NADK2: variants seen among roughly 807,000 people sequenced by gnomAD.
The protein encoded by NADK2 is NAD kinase 2, mitochondrial.
NADK2 carries 35 observed loss-of-function variants against 62.1 expected under a neutral mutation model. That is an observed-to-expected ratio of 0.56 (90% CI 0.43 to 0.75). The LOEUF (loss-of-function observed/expected upper bound fraction) is 0.75, where lower values mean the gene tolerates loss of function less well. NADK2 is among the 30% of genes least tolerant of loss of function. The pLI is 0.00. For missense variants in NADK2, 439 were observed against 561.3 expected (o/e 0.78, Z 2.20); for synonymous variants, 205 against 207.9 (o/e 0.99, Z 0.12).
chr5:36,208,646 C>T (rs1234440805), intron 7 of NADK2: 4 of 1,533,510 alleles, frequency 2.6e-6, no homozygotes, highest in Non-Finnish European at 2.6e-6. Flanking sequence ...AGTGGGTATA[C>T]TTCTTCTTAA....
At chr5:36,231,686 A>G (rs944905098) in intron 1 of NADK2, among the ~76,000 whole-genome samples, 1 of 152,228 alleles carries the variant, frequency 6.6e-6, no homozygotes, top group South Asian at 2.1e-4. Context: ...TAAAAGGCAT[A>G]TGCAAAAGCT....
At chr5:36,198,663 TA>T (rs1359832554) in intron 10 of NADK2, among the ~76,000 whole-genome samples, 1 of 148,764 alleles carries the variant, frequency 6.7e-6, no homozygotes, top group Non-Finnish European at 1.5e-5. Flanking sequence ...AAATTTCAGT[TA>T]TTTTATATAT....
chr5:36,226,589 T>A, intron 2 of NADK2, 26 bp from the exon 3 acceptor site: 4 of 1,524,792 alleles, frequency 2.6e-6, no homozygotes, highest in Non-Finnish European at 2.7e-6. Context: ...AAAGGTTATA[T>A]GAAATTTCCA....
Position 36,225,568 on chromosome 5 carries a change from A to G in NADK2, c.534T>C (p.Val178=). 1 of 1,613,868 alleles carries G rather than the reference A, an allele frequency of 6.2e-7. No homozygotes were observed. Residue 178 remains valine, a synonymous_variant, in exon 4 of 12, where the codon GTT becomes GTC. Coordinates refer to ENST00000381937, the MANE Select transcript of NADK2 (RefSeq NM_001085411.3). The stretch of plus-strand genomic sequence containing the variant: ...GTTCTGGATCAGTGTTTACCCCTAT[A>G]ACTGGTTTAAGTCTGTCCAAGACTT... The part of the protein sequence containing the change: ...ASKVLDRLKP[V]IGVNTDPERS...
In NADK2 at chr5:36,211,856, C is replaced by G; in HGVS notation, c.848G>C (p.Ser283Thr). 1.2e-6 allele frequency: 2 copies of G among 1,613,110 alleles called. No homozygotes were observed. The highest frequency in any genetic ancestry group is 1.7e-6 in the Non-Finnish European group (2 of 1,179,418). Reference sequence around the variant, plus strand: ...GGTTTAAAAGTACCTGGATGACAGACTCTCCCCAATGAAGACTTCATTTAG... The same window carrying G: ...GGTTTAAAAGTACCTGGATGACAGAGTCTCCCCAATGAAGACTTCATTTAG... ...RALNEVFIGE[S>T]LSSRASYYEI... Residue 283 changes from serine to threonine, a missense_variant, in exon 7 of 12, where the codon AGT becomes ACT. Physicochemically the swap from Ser to Thr is moderately conservative, Grantham distance 58 (BLOSUM62 1). Transcript: ENST00000381937.
intron 4 of NADK2, among the ~76,000 whole-genome samples, chr5:36,224,553 T>C (rs1472795131): frequency 2.2e-5 from 3 of 136,624 alleles, no homozygotes; most frequent in Non-Finnish European, 3.0e-5. Context: ...CAAGACTCTG[T>C]CTCAAAAAAA....
chr5:36,208,687 C>T, intron 7 of NADK2: 5 of 1,529,666 alleles, frequency 3.3e-6, no homozygotes, highest in Non-Finnish European at 4.4e-6. Context: ...AAGAATAAGA[C>T]ATTCTAGGTT....
upstream of NADK2, chr5:36,242,274 G>A (rs887045284): frequency 1.3e-5 from 2 of 152,308 alleles, no homozygotes; most frequent in African/African-American, 2.4e-5. Context: ...AATTCTGTTA[G>A]GCGATTGCGT....
intron 4 of NADK2, among the ~76,000 whole-genome samples, chr5:36,222,143 T>C (rs12522905): frequency 0.3 from 45,529 of 151,802 alleles, 8,247 homozygotes; most frequent in South Asian, 0.49. Flanking sequence ...GTGCTTTCTG[T>C]AGAGGGAATT....
chr5:36,230,299 T>A (rs1747659487), intron 1 of NADK2, among the ~76,000 whole-genome samples: 1 of 152,214 alleles, frequency 6.6e-6, no homozygotes, highest in Non-Finnish European at 1.5e-5. Flanking sequence ...ATGCTTTCCA[T>A]CCCTCCACCT....
At chr5:36,209,341 T>A (rs1166324757) in intron 7 of NADK2, among the ~76,000 whole-genome samples, 1 of 152,142 alleles carries the variant, frequency 6.6e-6, no homozygotes, top group African/African-American at 2.4e-5. Flanking sequence ...CTGATCCAAG[T>A]TTTCCTCCAT....
rs1333131992 is a variant in NADK2, at chr5:36,208,859, T to C, written c.861-1594A>G. Among the ~76,000 whole-genome samples the C allele has an allele frequency of 2.0e-5, 3 of 152,138 alleles. No homozygotes were observed. The East Asian group carries it at 5.8e-4, about 29-fold the overall frequency. On this transcript the variant is annotated intron_variant, in intron 7 of 11. Coordinates refer to ENST00000381937, the MANE Select transcript of NADK2 (RefSeq NM_001085411.3). ...TGAAGCCTCAATACAGGATCTAGAATCAGAAACACCGGGTTTATGTTACAG... is the reference window on the plus strand; with the variant it reads ...TGAAGCCTCAATACAGGATCTAGAACCAGAAACACCGGGTTTATGTTACAG...
chr5:36,237,913 T>C (rs1747967280), intron 1 of NADK2, among the ~76,000 whole-genome samples: 1 of 152,096 alleles, frequency 6.6e-6, no homozygotes, highest in African/African-American at 2.4e-5. Flanking sequence ...AAGGTTCAGG[T>C]GTCTGCATTT....
chr5:36,217,618 A>C, intron 6 of NADK2, 130 bp downstream of exon 6: 1 of 921,152 alleles, frequency 1.1e-6, no homozygotes, highest in Non-Finnish European at 1.7e-6. Context: ...AACTGAAGTA[A>C]TTCACTGTAC....
intron 5 of NADK2, among the ~76,000 whole-genome samples, chr5:36,218,902 A>T (rs1166915765): frequency 3.3e-5 from 5 of 152,234 alleles, no homozygotes; most frequent in Non-Finnish European, 7.3e-5. Context: ...AAGATAAAAA[A>T]TATAAAATCT....
At chr5:36,199,551 T>TA (rs1746362888) in intron 10 of NADK2, among the ~76,000 whole-genome samples, 1 of 152,084 alleles carries the variant, frequency 6.6e-6, no homozygotes, top group African/African-American at 2.4e-5. Flanking sequence ...TACAATCTGA[T>TA]ACGCAAATCA....
chr5:36,206,822 T>C (rs1033375431), intron 8 of NADK2, among the ~76,000 whole-genome samples: 1 of 152,066 alleles, frequency 6.6e-6, no homozygotes, highest in Non-Finnish European at 1.5e-5. Flanking sequence ...AGTTAGGCTT[T>C]TAATATACAA....
chr5:36,211,993 T>C, intron 6 of NADK2, 71 bp from the exon 7 acceptor site: 1 of 1,118,152 alleles, frequency 8.9e-7, no homozygotes, highest in South Asian at 1.4e-5. Flanking sequence ...AAAAATTTTA[T>C]AAAACACTAC....
In NADK2 at chr5:36,207,263, G is replaced by C; in HGVS notation, c.863C>G (p.Ala288Gly). Reference protein sequence around the residue: ...VFIGESLSSRASYYEISVDDG... With the variant: ...VFIGESLSSRGSYYEISVDDG... The stretch of plus-strand genomic sequence containing the variant: ...ATCAACTGAAATCTCATAGTAGGAA[G>C]CCCTGTGAATTGAGAATATAAAACT... Residue 288 changes from alanine (A) to glycine (G), a missense_variant and splice_region_variant, in exon 8 of 12, where the codon GCT becomes GGT. Transcript: ENST00000381937. 6.2e-7 allele frequency: 1 copy of C among 1,609,904 alleles called. No individual in the cohort carries two copies. The highest frequency in any genetic ancestry group is 8.5e-7 in the Non-Finnish European group (1 of 1,176,910).
Sources: gnomAD v4.1 joint callset for allele counts (sites outside exome capture counted in the v4.1 genomes callset) on GRCh38, gnomAD v4.1.1 for gene constraint, MANE v1.5 for transcripts, NCBI Gene and HGNC (gene_info 2026-07-23, HGNC 2026-07-21) for gene names.